Variants in MAN1A2 observed in about 807,000 individuals in gnomAD.
The protein encoded by MAN1A2 is mannosyl-oligosaccharide 1,2-alpha-mannosidase IB.
In MAN1A2, 26 loss-of-function variants were observed where a neutral mutation model predicts 75.7. The observed-to-expected ratio is 0.34, with a 90% CI of 0.25 to 0.48. MAN1A2 has a LOEUF of 0.48. Ranked by LOEUF, MAN1A2 falls within the 20% of genes least tolerant of loss-of-function variation. The pLI, the probability that MAN1A2 is intolerant of heterozygous loss-of-function variation, is 0.99. For synonymous variants in MAN1A2, 247 were observed against 264.6 expected, an observed-to-expected ratio of 0.93 and a Z score of 0.65; for missense variants, 562 against 775.5, an observed-to-expected ratio of 0.72 and a Z score of 3.27.
intron 6 of MAN1A2, among the ~76,000 whole-genome samples, chr1:117,457,449 G>A (rs989420075): frequency 6.6e-6 from 1 of 151,920 alleles, no homozygotes; most frequent in Non-Finnish European, 1.5e-5. Context: ...GTCCTCGGCA[G>A]CATTATATCT....
At chr1:117,473,921 C>G (rs1570772686) in intron 8 of MAN1A2, among the ~76,000 whole-genome samples, 2 of 151,998 alleles carry the variant, frequency 1.3e-5, no homozygotes, top group East Asian at 1.9e-4. Flanking sequence ...AGACAAATAA[C>G]AAATATCTTC....
intron 1 of MAN1A2, among the ~76,000 whole-genome samples, chr1:117,389,673 A>G (rs1653655451): frequency 6.6e-6 from 1 of 152,120 alleles, no homozygotes; most frequent in Admixed American, 6.5e-5. Context: ...AACTACAACA[A>G]AGCAATTTAA....
intron 5 of MAN1A2, among the ~76,000 whole-genome samples, chr1:117,435,980 C>T (rs538994623): frequency 6.6e-6 from 1 of 152,186 alleles, no homozygotes; most frequent in South Asian, 2.1e-4. Flanking sequence ...ATCACTTGAA[C>T]CTGGGAGGTG....
At chr1:117,383,292 C>G (rs1653414967) in intron 1 of MAN1A2, among the ~76,000 whole-genome samples, 1 of 152,156 alleles carries the variant, frequency 6.6e-6, no homozygotes, top group Non-Finnish European at 1.5e-5. Context: ...GCTGAACCAT[C>G]CTTGCATTTC....
Position 117,524,685 on chromosome 1 carries a change from G to T in MAN1A2, c.*1728G>T, listed in dbSNP as rs1170457908. ...TTGACAGTTCTACTGATCCGTAAATGATAACCACTGCAAATTTTTTCAGTA... is the reference window on the plus strand; with the variant it reads ...TTGACAGTTCTACTGATCCGTAAATTATAACCACTGCAAATTTTTTCAGTA... On this transcript the variant is annotated 3_prime_UTR_variant, in exon 13 of 13. Transcript: ENST00000356554. 6.5e-6 allele frequency: 1 copy of T among 154,388 alleles called. No individual in the cohort carries two copies. Among genetic ancestry groups the T allele is most frequent in the African/African-American group, 2.4e-5 (1 of 41,382 alleles). 9.6% of individuals were successfully genotyped at this position (154,388 alleles called of 1,614,324 possible). A position where few individuals can be genotyped will look rare whatever the true frequency, so the allele number is the denominator to read the frequency against.
intron 8 of MAN1A2, among the ~76,000 whole-genome samples, chr1:117,482,051 T>C (rs187150850): frequency 3.9e-5 from 6 of 151,922 alleles, no homozygotes. Context: ...CCTGTTGTTA[T>C]ATGGCCCACT....
intron 11 of MAN1A2, among the ~76,000 whole-genome samples, chr1:117,500,429 C>T (rs953300450): frequency 6.6e-6 from 1 of 151,856 alleles, no homozygotes; most frequent in African/African-American, 2.4e-5. Flanking sequence ...GAATTCCTTA[C>T]AGAACTGCTA....
intron 3 of MAN1A2, among the ~76,000 whole-genome samples, chr1:117,409,467 T>C (rs1647736140): frequency 8.9e-6 from 1 of 112,634 alleles, no homozygotes; most frequent in African/African-American, 3.9e-5. Flanking sequence ...TTATTTTTGG[T>C]TTGCTTTTAG....
intron 2 of MAN1A2, 126 bp downstream of exon 2, chr1:117,402,567 C>G (rs933715690): frequency 1.3e-4 from 101 of 804,986 alleles, no homozygotes; most frequent in Non-Finnish European, 1.7e-4. Context: ...AGTATAGTTT[C>G]CAGGTTGGTA....
intron 3 of MAN1A2, among the ~76,000 whole-genome samples, chr1:117,410,871 TAAG>T (rs1330386227): frequency 6.6e-6 from 1 of 151,742 alleles, no homozygotes; most frequent in Non-Finnish European, 1.5e-5. Context: ...TATCAAAAAA[TAAG>T]AACTATATGT....
At chr1:117,512,970 T>C (rs992016413) in intron 12 of MAN1A2, among the ~76,000 whole-genome samples, 6 of 152,180 alleles carry the variant, frequency 3.9e-5, no homozygotes, top group Non-Finnish European at 8.8e-5. Flanking sequence ...TTCATTAGTC[T>C]TTTTAAAAAA....
chr1:117,467,033 C>A (rs935016644), intron 8 of MAN1A2, among the ~76,000 whole-genome samples: 2 of 152,214 alleles, frequency 1.3e-5, no homozygotes, highest in Non-Finnish European at 1.5e-5. Flanking sequence ...TTCCCTCTGC[C>A]TGAGGGGAAA....
intron 12 of MAN1A2, chr1:117,514,947 CA>C: frequency 1.9e-6 from 1 of 526,400 alleles, no homozygotes. Flanking sequence ...CTCCTGGAGA[CA>C]AGCTAAGTCA....
At chr1:117,506,453 G>A (rs1447484639) in intron 12 of MAN1A2, among the ~76,000 whole-genome samples, 1 of 151,348 alleles carries the variant, frequency 6.6e-6, no homozygotes, top group Non-Finnish European at 1.5e-5. Flanking sequence ...TACTTTTTTT[G>A]TTTCCCTCAA....
At chr1:117,375,260 T>A (rs939641765) in intron 1 of MAN1A2, among the ~76,000 whole-genome samples, 1 of 152,178 alleles carries the variant, frequency 6.6e-6, no homozygotes, top group Non-Finnish European at 1.5e-5. Flanking sequence ...TTTAAGGCTA[T>A]AATTTCCTTT....
chr1:117,498,218 T>G (rs1441220905), intron 10 of MAN1A2, among the ~76,000 whole-genome samples: 1 of 151,870 alleles, frequency 6.6e-6, no homozygotes, highest in Non-Finnish European at 1.5e-5. Context: ...AGAATGCCAA[T>G]TATGCCTTAA....
rs9951 is a variant in MAN1A2 at position 117,523,737 on chromosome 1, G to C, written c.*780G>C. On this transcript the variant is annotated 3_prime_UTR_variant, in exon 13 of 13. Transcript: ENST00000356554. ...GATTTTGTGCATGTAGTTCAGTCTA[G>C]TGTTGGTAGCATGACAGAAAGTGGG... is the stretch of plus-strand genomic sequence containing the variant. 7.7e-3 allele frequency: 1,177 copies of C among 152,324 alleles called. 7 individuals carry two copies. Among genetic ancestry groups the C allele is most frequent in the Admixed American group, 0.013 (204 of 15,248 alleles). The allele number at this position is 152,324 out of a possible 1,614,324, so 9.4% of individuals were successfully genotyped here.
At chr1:117,472,393 A>C (rs1393491139) in intron 8 of MAN1A2, among the ~76,000 whole-genome samples, 1 of 151,990 alleles carries the variant, frequency 6.6e-6, no homozygotes, top group East Asian at 1.9e-4. Flanking sequence ...ATAGGAATAT[A>C]TTTTCTCTAC....
intron 12 of MAN1A2, among the ~76,000 whole-genome samples, chr1:117,517,793 C>T (rs976799667): frequency 4.0e-5 from 6 of 151,770 alleles, no homozygotes; most frequent in Admixed American, 1.3e-4. Context: ...ACCCACAGGT[C>T]CAAGAAGCTA....
Sources: gnomAD v4.1 joint callset for allele counts (sites outside exome capture counted in the v4.1 genomes callset) on GRCh38, gnomAD v4.1.1 for gene constraint, MANE v1.5 for transcripts, NCBI Gene and HGNC (gene_info 2026-07-23, HGNC 2026-07-21) for gene names.